Variants in TMEM132D observed in about 807,000 individuals in gnomAD.
TMEM132D encodes mature OL transmembrane protein.
TMEM132D carries 21 observed loss-of-function variants against 62.3 expected under a neutral mutation model. The observed-to-expected ratio is 0.34, with a 90% confidence interval of 0.24 to 0.49. The LOEUF is 0.49. TMEM132D is among the 20% of genes least tolerant of loss of function. TMEM132D has a pLI of 0.99. For missense variants in TMEM132D, 1,346 were observed against 1,402.8 expected (o/e 0.96, Z 0.65); for synonymous variants, 621 against 575.6 (o/e 1.08, Z -1.13).
intron 2 of TMEM132D, among the ~76,000 whole-genome samples, chr12:129,532,014 C>A (rs1396898038): frequency 6.6e-6 from 1 of 151,800 alleles, no homozygotes; most frequent in East Asian, 1.9e-4. Flanking sequence ...TGAGATCGAC[C>A]CACAGCACTC....
intron 1 of TMEM132D, among the ~76,000 whole-genome samples, chr12:129,819,308 A>G (rs1413580515): frequency 6.6e-6 from 1 of 152,126 alleles, no homozygotes; most frequent in Non-Finnish European, 1.5e-5. Context: ...GCTACAAAGG[A>G]GAATTGGCAT....
intron 2 of TMEM132D, among the ~76,000 whole-genome samples, chr12:129,642,462 C>T (rs1348847830): frequency 2.0e-5 from 3 of 152,170 alleles, no homozygotes; most frequent in Non-Finnish European, 4.4e-5. Flanking sequence ...TCTCCTGCCA[C>T]CCTGTCACTT....
intron 3 of TMEM132D, among the ~76,000 whole-genome samples, chr12:129,343,254 T>G (rs1006290714): frequency 5.3e-5 from 8 of 152,120 alleles, no homozygotes; most frequent in African/African-American, 1.9e-4. Flanking sequence ...CCATAAAAAA[T>G]GATGAGTTCA....
At chr12:129,679,147 G>C (rs1480841582) in intron 2 of TMEM132D, among the ~76,000 whole-genome samples, 1 of 151,560 alleles carries the variant, frequency 6.6e-6, no homozygotes, top group Non-Finnish European at 1.5e-5. Flanking sequence ...TTTTTTTGTT[G>C]TTGTTGGAGT....
chr12:129,254,260 A>G (rs1160895827), intron 4 of TMEM132D, among the ~76,000 whole-genome samples: 3 of 152,262 alleles, frequency 2.0e-5, no homozygotes, highest in African/African-American at 4.8e-5. Context: ...GGTGATGGAC[A>G]TCCCGATTAC....
At chr12:129,353,219 T>C (rs190735095) in intron 3 of TMEM132D, among the ~76,000 whole-genome samples, 88 of 152,214 alleles carry the variant, frequency 5.8e-4, no homozygotes, top group African/African-American at 1.7e-3. Context: ...CTTAATTATA[T>C]GGATATCTGT....
At chr12:129,447,848 G>A (rs932355699) in intron 3 of TMEM132D, among the ~76,000 whole-genome samples, 3 of 152,208 alleles carry the variant, frequency 2.0e-5, no homozygotes, top group Non-Finnish European at 2.9e-5. Flanking sequence ...AAGGAGCTGA[G>A]TGATGCCGGC....
At chr12:129,396,610 G>C (rs998811236) in intron 3 of TMEM132D, among the ~76,000 whole-genome samples, 1 of 152,160 alleles carries the variant, frequency 6.6e-6, no homozygotes, top group Non-Finnish European at 1.5e-5. Flanking sequence ...TGGGGCTTTG[G>C]AAGTGCATGG....
At chr12:129,672,466 G>A (rs11060491) in intron 2 of TMEM132D, among the ~76,000 whole-genome samples, 35,468 of 151,994 alleles carry the variant, frequency 0.23, 4,479 homozygotes, top group Admixed American at 0.29. Context: ...TGAGATTTCC[G>A]GGTTGGTGTG....
At chr12:129,254,697 C>T (rs1880355779) in intron 4 of TMEM132D, among the ~76,000 whole-genome samples, 1 of 152,144 alleles carries the variant, frequency 6.6e-6, no homozygotes, top group Non-Finnish European at 1.5e-5. Context: ...TCTCTACTGA[C>T]CACATCCAGC....
chr12:129,111,076 G>A (rs11837776), intron 5 of TMEM132D: 22,967 of 152,368 alleles, frequency 0.15, 3,015 homozygotes, highest in African/African-American at 0.35. Context: ...GTAGCGAAAG[G>A]GTTTATGTGC....
At chr12:129,426,898 T>C (rs1008712160) in intron 3 of TMEM132D, among the ~76,000 whole-genome samples, 1 of 152,222 alleles carries the variant, frequency 6.6e-6, no homozygotes, top group Non-Finnish European at 1.5e-5. Context: ...TTACTCATTC[T>C]CACCCGTGGC....
chr12:129,336,703 A>C (rs1196878051), intron 4 of TMEM132D, among the ~76,000 whole-genome samples: 2 of 152,150 alleles, frequency 1.3e-5, no homozygotes, highest in African/African-American at 4.8e-5. Context: ...GCCATGAGGA[A>C]CGATGGGGTT....
chr12:129,286,500 A>G (rs1435977417), intron 4 of TMEM132D, among the ~76,000 whole-genome samples: 2 of 152,198 alleles, frequency 1.3e-5, no homozygotes, highest in Non-Finnish European at 2.9e-5. Flanking sequence ...ATAAATAGAA[A>G]GGTAATCACA....
At chr12:129,823,430 G>T (rs1872586180) in intron 1 of TMEM132D, among the ~76,000 whole-genome samples, 1 of 152,238 alleles carries the variant, frequency 6.6e-6, no homozygotes, top group Non-Finnish European at 1.5e-5. Flanking sequence ...TTTAGGCGCA[G>T]TACGCCCCTT....
intron 2 of TMEM132D, among the ~76,000 whole-genome samples, chr12:129,663,164 A>G (rs1880286255): frequency 6.6e-6 from 1 of 150,394 alleles, no homozygotes; most frequent in Non-Finnish European, 1.5e-5. Context: ...TTTGAGATGG[A>G]GTTTCACTCA....
At chr12:129,895,630 C>T (rs375729371) in intron 1 of TMEM132D, among the ~76,000 whole-genome samples, 16 of 152,264 alleles carry the variant, frequency 1.1e-4, no homozygotes, top group Middle Eastern at 3.4e-3. Context: ...TCACCTCATA[C>T]GAACATTCCT....
At chr12:129,468,889 C>T (rs950939683) in intron 3 of TMEM132D, among the ~76,000 whole-genome samples, 1 of 152,040 alleles carries the variant, frequency 6.6e-6, no homozygotes, top group African/African-American at 2.4e-5. Flanking sequence ...AGGCTTCTTC[C>T]AGATGGAAAC....
intron 3 of TMEM132D, among the ~76,000 whole-genome samples, chr12:129,491,303 G>A (rs1183435530): frequency 6.6e-6 from 1 of 152,136 alleles, no homozygotes. Flanking sequence ...AACAACAACA[G>A]GACCCCACTG....
Sources: gnomAD v4.1 joint callset for allele counts (sites outside exome capture counted in the v4.1 genomes callset) on GRCh38, gnomAD v4.1.1 for gene constraint, MANE v1.5 for transcripts, NCBI Gene and HGNC (gene_info 2026-07-23, HGNC 2026-07-21) for gene names.